Variants in NVL observed in about 807,000 individuals in gnomAD.
The protein encoded by NVL is nuclear VCP like.
Under a neutral mutation model 110.2 loss-of-function variants are expected in NVL, and 84 were observed. That is an observed-to-expected ratio of 0.76 (90% CI 0.64 to 0.91). The LOEUF is 0.91. NVL is among the 40% of genes least tolerant of loss of function. NVL has a pLI of 0.00. For synonymous variants in NVL, 354 were observed against 361.1 expected, an observed-to-expected ratio of 0.98 and a Z score of 0.22; for missense variants, 882 against 1,035.9, an observed-to-expected ratio of 0.85 and a Z score of 2.04.
In NVL at chr1:224,237,112, C is replaced by T. The variant is rs553182761; in HGVS notation, c.2290-530G>A. Among the ~76,000 whole-genome samples the T allele has an allele frequency of 7.4e-4, 112 of 152,308 alleles. 1 individual carries two copies. The highest frequency in any genetic ancestry group is 2.3e-3 in the African/African-American group (95 of 41,582). ...TCATGAAGTTTGAGGAATTTGTGTACAGCTGCAGCAAATACTAAACACCAT... is the reference window on the plus strand; with the variant it reads ...TCATGAAGTTTGAGGAATTTGTGTATAGCTGCAGCAAATACTAAACACCAT... On this transcript the variant is annotated intron_variant, in intron 19 of 22. Coordinates refer to ENST00000281701, the MANE Select transcript of NVL (RefSeq NM_002533.4).
chr1:224,275,290 G>C (rs1176677662), intron 17 of NVL, 49 bp downstream of exon 17: 1 of 1,609,122 alleles, frequency 6.2e-7, no homozygotes. Context: ...ACATAGAAAA[G>C]GTTTATTGTG....
intron 17 of NVL, among the ~76,000 whole-genome samples, chr1:224,273,827 C>A (rs1665445987): frequency 2.0e-5 from 3 of 152,284 alleles, no homozygotes. Context: ...CTGCCTCAGT[C>A]ACTGACATCA....
intron 18 of NVL, chr1:224,256,859 T>A (rs1463566643): frequency 1.6e-5 from 6 of 365,602 alleles, no homozygotes; most frequent in African/African-American, 1.4e-4. Context: ...TTGATTCCAC[T>A]TTCCCACATC....
chr1:224,233,041 A>G, intron 21 of NVL, 160 bp downstream of exon 21: 1 of 549,200 alleles, frequency 1.8e-6, no homozygotes, highest in African/African-American at 1.9e-5. Context: ...TGTCAGCAAC[A>G]GAGGTTACCT....
chr1:224,238,039 C>CA (rs993329950), intron 19 of NVL, among the ~76,000 whole-genome samples: 1 of 149,090 alleles, frequency 6.7e-6, no homozygotes, highest in Non-Finnish European at 1.5e-5. Context: ...TTTCTCTTTT[C>CA]TTTTTTTTTC....
chr1:224,300,675 C>T lies in NVL; in HGVS notation c.961-12G>A. 6.3e-7 allele frequency: 1 copy of T among 1,596,498 alleles called. No individual in the cohort carries two copies. Among genetic ancestry groups the T allele is most frequent in the Non-Finnish European group, 8.6e-7 (1 of 1,166,582 alleles). On this transcript the variant is annotated splice_polypyrimidine_tract_variant and intron_variant, in intron 9 of 22. Coordinates refer to ENST00000281701, the MANE Select transcript of NVL (RefSeq NM_002533.4). ...GGCAGGTCAAGTTCCTATGCAGACA[C>T]ATAAAAGAATAACCAAATATTCAAA... is the stretch of plus-strand genomic sequence containing the variant.
chr1:224,286,074 C>G lies in NVL; in HGVS notation c.1851G>C (p.Gly617=). 1 of 1,614,054 alleles carries G rather than the reference C, an allele frequency of 6.2e-7. No individual in the cohort carries two copies. Among genetic ancestry groups the G allele is most frequent in the South Asian group, 1.1e-5 (1 of 91,070 alleles). ...FKALGLVTPA[G]VLLAGPPGCG... is the part of the protein sequence containing the mutation. ...AGCCAGGAGGACCAGCAAGGAGGAC[C>G]CCAGCTGGAGTCACCAATCCAAGAG... is the stretch of plus-strand genomic sequence containing the variant. Residue 617 remains glycine (G), a synonymous_variant, in exon 15 of 23, where the codon GGG becomes GGC. Coordinates refer to ENST00000281701, the MANE Select transcript of NVL (RefSeq NM_002533.4).
At chr1:224,311,681 A>C (rs947582503) in intron 5 of NVL, 119 bp downstream of exon 5, 9 of 760,222 alleles carry the variant, frequency 1.2e-5, no homozygotes, top group Non-Finnish European at 2.0e-5. Context: ...CAGCCTCCCA[A>C]AGTGTTGGGA....
At chr1:224,296,316 G>T (rs1667880389) in intron 11 of NVL, among the ~76,000 whole-genome samples, 185 bp downstream of exon 11, 1 of 152,082 alleles carries the variant, frequency 6.6e-6, no homozygotes, top group African/African-American at 2.4e-5. Flanking sequence ...CTAGGCTCAA[G>T]CAATCCTCCT....
At chr1:224,265,600 G>A (rs1227895758) in intron 18 of NVL, among the ~76,000 whole-genome samples, 2 of 152,200 alleles carry the variant, frequency 1.3e-5, no homozygotes, top group East Asian at 1.9e-4. Context: ...ACGAAAGATT[G>A]ATGCTGTGGT....
intron 18 of NVL, among the ~76,000 whole-genome samples, chr1:224,260,928 T>C (rs1452477855): frequency 1.3e-5 from 2 of 152,062 alleles, no homozygotes; most frequent in African/African-American, 4.8e-5. Flanking sequence ...CAGGCTGGAG[T>C]GCAGTGGCGT....
intron 1 of NVL, among the ~76,000 whole-genome samples, chr1:224,328,878 T>A (rs920444172): frequency 6.6e-6 from 1 of 152,092 alleles, no homozygotes; most frequent in Non-Finnish European, 1.5e-5. Flanking sequence ...TACTTCAAGA[T>A]AAAATCTGGA....
chr1:224,268,472 T>G (rs1157978374), intron 17 of NVL, among the ~76,000 whole-genome samples: 1 of 152,142 alleles, frequency 6.6e-6, no homozygotes, highest in Non-Finnish European at 1.5e-5. Flanking sequence ...ACCGTCACAA[T>G]ACACTTCCCT....
chr1:224,282,070 A>AT (rs571698440), intron 15 of NVL, among the ~76,000 whole-genome samples: 6,312 of 142,094 alleles, frequency 0.044, 413 homozygotes, highest in African/African-American at 0.14. Flanking sequence ...TTTCACTTTA[A>AT]TTTTTTTTTT....
Position 224,308,274 on chromosome 1 carries a change from G to A in NVL, c.343-11C>T. The A allele has an allele frequency of 6.3e-7, 1 of 1,586,210 alleles. No individual in the cohort carries two copies. Among genetic ancestry groups the A allele is most frequent in the Non-Finnish European group, 8.6e-7 (1 of 1,168,220 alleles). ...CATGTGATTTGCTGACTGGCAGAAAGATAAAACAAAATTGTAGCATAAATT... is the reference window on the plus strand; with the variant it reads ...CATGTGATTTGCTGACTGGCAGAAAAATAAAACAAAATTGTAGCATAAATT... On this transcript the variant is annotated splice_polypyrimidine_tract_variant and intron_variant, in intron 5 of 22. Coordinates refer to ENST00000281701, the MANE Select transcript of NVL (RefSeq NM_002533.4).
At chr1:224,255,166 G>A (rs979605388) in intron 18 of NVL, among the ~76,000 whole-genome samples, 4 of 146,086 alleles carry the variant, frequency 2.7e-5, no homozygotes, top group African/African-American at 1.0e-4. Context: ...AATGTGCCTG[G>A]CCCAAAATGG....
intron 10 of NVL, among the ~76,000 whole-genome samples, chr1:224,299,289 T>C (rs1394271349): frequency 1.3e-5 from 2 of 152,122 alleles, no homozygotes; most frequent in Non-Finnish European, 2.9e-5. Flanking sequence ...TCAGTACTTG[T>C]CAGTGACCTG....
At chr1:224,282,744 A>AACTGGACTCCCAAT (rs1283508853) in intron 15 of NVL, among the ~76,000 whole-genome samples, 13 of 152,170 alleles carry the variant, frequency 8.5e-5, no homozygotes, top group Non-Finnish European at 5.9e-5. Context: ...CCACTTCTAA[A>AACTGGACTCCCAAT]ACTGGACTCC....
chr1:224,293,006 C>T (rs975446068), intron 12 of NVL, among the ~76,000 whole-genome samples: 8 of 151,894 alleles, frequency 5.3e-5, no homozygotes, highest in South Asian at 2.1e-4. Context: ...GCACCCGCCT[C>T]GGCCTCCCAA....
Sources: allele counts gnomAD v4.1 joint callset (sites outside exome capture counted in the v4.1 genomes callset), GRCh38; gene constraint gnomAD v4.1.1; transcripts MANE v1.5; gene names NCBI Gene and HGNC (gene_info 2026-07-23, HGNC 2026-07-21).